CNTN5: variants seen among roughly 807,000 people sequenced by gnomAD.
CNTN5 encodes the protein contactin-5.
In CNTN5, 77 loss-of-function variants were observed where a neutral mutation model predicts 129.1. The ratio of observed to expected loss-of-function variants is 0.60; its 90% CI spans 0.50 to 0.72. The LOEUF (loss-of-function observed/expected upper bound fraction) is 0.72, where lower values mean the gene tolerates loss of function less well. Among genes scored for constraint, CNTN5 ranks in the 30% least tolerant of loss-of-function variants. The pLI is 0.00. For missense variants in CNTN5, 1,478 were observed against 1,328.8 expected (o/e 1.11, Z -1.75); for synonymous variants, 509 against 465.6 (o/e 1.09, Z -1.20).
chr11:99,745,598 T>A (rs1258689601), intron 3 of CNTN5, among the ~76,000 whole-genome samples: 1 of 152,178 alleles, frequency 6.6e-6, no homozygotes, highest in African/African-American at 2.4e-5. Flanking sequence ...TAGGCTTAGA[T>A]GCAAAAAATG....
chr11:99,988,597 A>C (rs984072426), intron 8 of CNTN5, among the ~76,000 whole-genome samples: 10 of 152,220 alleles, frequency 6.6e-5, no homozygotes, highest in Non-Finnish European at 7.3e-5. Flanking sequence ...TGACATGATA[A>C]GAGAAATGGT....
chr11:99,871,432 T>C (rs1948500381), intron 6 of CNTN5, among the ~76,000 whole-genome samples: 1 of 152,084 alleles, frequency 6.6e-6, no homozygotes, highest in Non-Finnish European at 1.5e-5. Flanking sequence ...TTAATTGCTA[T>C]TAACTTGGAA....
At position 99,436,176 on chromosome 11, in the gene CNTN5, G is replaced by T. The variant is rs17133528; in HGVS notation, c.-71+110692G>T. On this transcript the variant is annotated intron_variant, in intron 2 of 24. Coordinates refer to ENST00000524871, the MANE Select transcript of CNTN5 (RefSeq NM_014361.4). ...TGAATTCCAATTGACTGTAGTGGTG[G>T]CAGTGATGTCAATTACTACATATTG... is the stretch of plus-strand genomic sequence containing the variant. Among the ~76,000 whole-genome samples the T allele has an allele frequency of 5.6e-4, 85 of 152,218 alleles. 1 individual carries two copies. The East Asian group carries it at 0.01, about 19-fold the overall frequency.
rs562256239 is a variant in CNTN5, at chr11:100,215,014, C to T, written c.1885-9678C>T. Among the ~76,000 whole-genome samples the T allele has an allele frequency of 1.3e-4, 20 of 152,216 alleles. No homozygotes were observed. In the South Asian group the frequency reaches 1.5e-3, roughly 11 times the overall value. Reference sequence around the variant, plus strand: ...CAGTTGTGGATATTGGATAGGTTCCCGAGATCTTCTCCATGTTGCTTCTGC... The same window carrying T: ...CAGTTGTGGATATTGGATAGGTTCCTGAGATCTTCTCCATGTTGCTTCTGC... On this transcript the variant is annotated intron_variant, in intron 15 of 24. Transcript: ENST00000524871.
chr11:100,035,885 A>G (rs1941966578), intron 9 of CNTN5, among the ~76,000 whole-genome samples: 1 of 152,148 alleles, frequency 6.6e-6, no homozygotes, highest in African/African-American at 2.4e-5. Flanking sequence ...TCAGGTGAGT[A>G]GGTTGCAAAA....
chr11:100,050,370 C>T (rs1304017762), intron 9 of CNTN5, among the ~76,000 whole-genome samples: 1 of 151,412 alleles, frequency 6.6e-6, no homozygotes, highest in African/African-American at 2.4e-5. Flanking sequence ...TAAACTATCA[C>T]AAGAACAAAA....
At chr11:99,755,510 ATC>A (rs1944377485) in intron 3 of CNTN5, among the ~76,000 whole-genome samples, 1 of 152,054 alleles carries the variant, frequency 6.6e-6, no homozygotes, top group South Asian at 2.1e-4. Flanking sequence ...CTTATTTGCC[ATC>A]TGTATATCTT....
chr11:99,534,005 C>G (rs1452246997), intron 2 of CNTN5, among the ~76,000 whole-genome samples: 1 of 152,136 alleles, frequency 6.6e-6, no homozygotes, highest in Non-Finnish European at 1.5e-5. Context: ...TTTAATGCAA[C>G]AATTCTGTTA....
intron 2 of CNTN5, among the ~76,000 whole-genome samples, chr11:99,516,314 T>C (rs1947051472): frequency 6.6e-6 from 1 of 152,106 alleles, no homozygotes; most frequent in Non-Finnish European, 1.5e-5. Context: ...TAAGAGTCTA[T>C]TTTATATTGG....
intron 9 of CNTN5, among the ~76,000 whole-genome samples, chr11:100,056,361 A>T (rs544617953): frequency 6.6e-6 from 1 of 151,728 alleles, no homozygotes; most frequent in Non-Finnish European, 1.5e-5. Context: ...ATAGCTTTTA[A>T]GTCAAAAATT....
chr11:99,565,597 G>C (rs776039032), intron 3 of CNTN5, among the ~76,000 whole-genome samples: 14 of 152,106 alleles, frequency 9.2e-5, no homozygotes, highest in Non-Finnish European at 1.6e-4. Context: ...TATTCAAAGA[G>C]AATCATTTAC....
chr11:99,118,710 C>G (rs894261424), intron 1 of CNTN5, among the ~76,000 whole-genome samples: 1 of 151,974 alleles, frequency 6.6e-6, no homozygotes, highest in Non-Finnish European at 1.5e-5. Context: ...ACATCTAACA[C>G]ATAGAAGTAA....
At chr11:100,056,219 A>G (rs1241293275) in intron 9 of CNTN5, among the ~76,000 whole-genome samples, 1 of 151,714 alleles carries the variant, frequency 6.6e-6, no homozygotes, top group Non-Finnish European at 1.5e-5. Flanking sequence ...ATTGCTGTGA[A>G]CGTTCAATAT....
chr11:100,109,695 A>G (rs566515336), intron 13 of CNTN5, among the ~76,000 whole-genome samples: 1 of 152,246 alleles, frequency 6.6e-6, no homozygotes, highest in Non-Finnish European at 1.5e-5. Flanking sequence ...TATTAAGGGC[A>G]CAAAAGTATT....
intron 1 of CNTN5, among the ~76,000 whole-genome samples, chr11:99,275,014 T>C (rs558577170): frequency 2.6e-5 from 4 of 151,678 alleles, no homozygotes; most frequent in African/African-American, 9.6e-5. Context: ...CAGGGTTTTA[T>C]ATATTTCTGT....
At chr11:99,164,099 G>A (rs369006928) in intron 1 of CNTN5, among the ~76,000 whole-genome samples, 39 of 152,190 alleles carry the variant, frequency 2.6e-4, no homozygotes, top group African/African-American at 8.9e-4. Context: ...TGGCCAAGGC[G>A]GGTGGATCAC....
At chr11:100,263,165 A>G (rs1223755694) in intron 17 of CNTN5, among the ~76,000 whole-genome samples, 3 of 152,172 alleles carry the variant, frequency 2.0e-5, no homozygotes, top group African/African-American at 7.2e-5. Context: ...CTGGTATTTG[A>G]AAAGTGTACA....
At position 99,472,067 on chromosome 11, in the gene CNTN5, T is replaced by A. The variant is rs755002000; in HGVS notation, c.-70-84078T>A. On this transcript the variant is annotated intron_variant, in intron 2 of 24. Coordinates refer to ENST00000524871, the MANE Select transcript of CNTN5 (RefSeq NM_014361.4). ...TAAGGAAACTGAACCTCAGTTTTCA[T>A]GGTTATCAGACAAACCCCAAGTTAA... 2.0e-5 allele frequency among the ~76,000 whole-genome samples: 3 copies of A among 152,292 alleles called. No individual in the cohort carries two copies. The East Asian group carries it at 5.8e-4, about 29-fold the overall frequency.
chr11:100,264,088 ATG>A (rs1343878987), intron 17 of CNTN5, among the ~76,000 whole-genome samples: 1 of 152,040 alleles, frequency 6.6e-6, no homozygotes, highest in African/African-American at 2.4e-5. Flanking sequence ...GTATATATAT[ATG>A]TATATAAAAA....
Sources: allele counts gnomAD v4.1 joint callset (sites outside exome capture counted in the v4.1 genomes callset), GRCh38; gene constraint gnomAD v4.1.1; transcripts MANE v1.5; gene names NCBI Gene and HGNC (gene_info 2026-07-23, HGNC 2026-07-21).